Variants in GSDMC observed in about 807,000 individuals in gnomAD.
GSDMC encodes gasdermin-C.
Under a neutral mutation model 58.0 loss-of-function variants are expected in GSDMC, and 59 were observed. That is an observed-to-expected ratio of 1.02 (90% CI 0.82 to 1.26). The LOEUF is 1.26. Among genes scored for constraint, GSDMC ranks in the 50% most tolerant of loss-of-function variants. The pLI is 0.00. For synonymous variants in GSDMC, 241 were observed against 220.2 expected (o/e 1.09, Z -0.83); for missense variants, 659 against 598.5 (o/e 1.10, Z -1.06).
At chr8:129,728,939 G>T in the GSDMC span, 1 of 666,974 alleles carries the variant, frequency 1.5e-6, no homozygotes, top group Non-Finnish European at 2.9e-6. Context: ...GGCCCGAGGT[G>T]GTGGCGGTGG....
At chr8:129,784,414 A>G (rs149026829) in intron 1 of GSDMC, among the ~76,000 whole-genome samples, 2,168 of 152,288 alleles carry the variant, frequency 0.014, 60 homozygotes, top group African/African-American at 0.049. Flanking sequence ...TCTAATAATC[A>G]GATTAAAATA....
the GSDMC span, among the ~76,000 whole-genome samples, chr8:129,716,231 AG>A: frequency 1.3e-5 from 2 of 152,224 alleles, no homozygotes; most frequent in Non-Finnish European, 2.9e-5. Flanking sequence ...TGTGGGAAAA[AG>A]CAAGACACAA....
At chr8:129,720,447 G>A in the GSDMC span, among the ~76,000 whole-genome samples, 13 of 152,058 alleles carry the variant, frequency 8.5e-5, no homozygotes, top group African/African-American at 3.1e-4. Context: ...ATTGTCTCCT[G>A]AGTACTGTAA....
chr8:129,715,312 A>C, the GSDMC span, among the ~76,000 whole-genome samples: 2 of 152,282 alleles, frequency 1.3e-5, no homozygotes, highest in Admixed American at 1.3e-4. Context: ...ACACTCCAAA[A>C]AATCTGTTTC....
the GSDMC span, among the ~76,000 whole-genome samples, chr8:129,716,974 A>G: frequency 1.3e-5 from 2 of 152,182 alleles, no homozygotes; most frequent in Non-Finnish European, 2.9e-5. Context: ...AGCTGACTTG[A>G]TCATGGTGGA....
chr8:129,729,344 G>A, the GSDMC span: 108 of 466,388 alleles, frequency 2.3e-4, 1 homozygote, highest in Non-Finnish European at 3.9e-4. Flanking sequence ...AAGTTCTAGG[G>A]TACATGTGCA....
chr8:129,748,846 G>T, intron 13 of GSDMC, 106 bp from the exon 14 acceptor site: 2 of 901,066 alleles, frequency 2.2e-6, no homozygotes, highest in Non-Finnish European at 3.1e-6. Context: ...AGGAGCAAGA[G>T]CTTTGGGATC....
chr8:129,717,909 A>G, the GSDMC span, among the ~76,000 whole-genome samples: 9,774 of 152,220 alleles, frequency 0.064, 542 homozygotes, highest in East Asian at 0.25. Flanking sequence ...CCTGACAAAA[A>G]CAAGCAATAG....
intron 3 of GSDMC, among the ~76,000 whole-genome samples, chr8:129,774,528 CA>C (rs34881340): frequency 1.5e-3 from 184 of 119,430 alleles, no homozygotes; most frequent in Non-Finnish European, 2.1e-3. Flanking sequence ...GCAACAGCAG[CA>C]AAAAAAAAAA....
At chr8:129,755,952 G>A (rs1310591538) in intron 6 of GSDMC, among the ~76,000 whole-genome samples, 3 of 148,042 alleles carry the variant, frequency 2.0e-5, no homozygotes, top group Admixed American at 6.7e-5. Context: ...AGGAAGAAAA[G>A]AAGGCCAGAA....
intron 6 of GSDMC, among the ~76,000 whole-genome samples, chr8:129,756,787 C>G (rs1381928111): frequency 6.6e-6 from 1 of 151,994 alleles, no homozygotes; most frequent in Non-Finnish European, 1.5e-5. Context: ...GGAAATTAAA[C>G]AATATGCTCC....
chr8:129,711,073 C>T, the GSDMC span, among the ~76,000 whole-genome samples: 2 of 152,106 alleles, frequency 1.3e-5, no homozygotes, highest in Non-Finnish European at 1.5e-5. Context: ...GGAAAACAAC[C>T]AAATATTTGT....
the GSDMC span, among the ~76,000 whole-genome samples, chr8:129,732,330 T>C: frequency 6.8e-6 from 1 of 148,136 alleles, no homozygotes; most frequent in Non-Finnish European, 1.5e-5. Context: ...CAGAGGGCTA[T>C]AGAAGGAAAG....
At chr8:129,727,854 G>C in the GSDMC span, among the ~76,000 whole-genome samples, 1 of 152,130 alleles carries the variant, frequency 6.6e-6, no homozygotes, top group Admixed American at 6.5e-5. Flanking sequence ...CACAGGTCTG[G>C]GGCAGAAGAA....
intron 3 of GSDMC, among the ~76,000 whole-genome samples, chr8:129,771,018 T>A (rs945448629): frequency 2.0e-5 from 3 of 149,736 alleles, no homozygotes; most frequent in Non-Finnish European, 3.0e-5. Flanking sequence ...CACATTTTTT[T>A]ATATATATAT....
chr8:129,763,101 T>C (rs868045830), intron 4 of GSDMC, among the ~76,000 whole-genome samples: 8 of 152,236 alleles, frequency 5.3e-5, no homozygotes, highest in Admixed American at 2.0e-4. Context: ...TGGGGAAAAC[T>C]GCTTTTCCCC....
chr8:129,743,487 A>G (rs954784071), downstream of GSDMC, among the ~76,000 whole-genome samples: 1 of 152,274 alleles, frequency 6.6e-6, no homozygotes, highest in African/African-American at 2.4e-5. Flanking sequence ...ACACTTGAGC[A>G]TATTTATAAT....
chr8:129,723,512 C>T, the GSDMC span, among the ~76,000 whole-genome samples: 20 of 151,360 alleles, frequency 1.3e-4, no homozygotes, highest in Non-Finnish European at 1.9e-4. Context: ...ATGATCCACC[C>T]GCCTCGGCCT....
At chr8:129,730,293 C>G in the GSDMC span, 1 of 1,369,770 alleles carries the variant, frequency 7.3e-7, no homozygotes, top group South Asian at 1.3e-5. Flanking sequence ...TAATTTTCCA[C>G]AGAACCAGGT....
Sources: allele counts gnomAD v4.1 joint callset (sites outside exome capture counted in the v4.1 genomes callset), GRCh38; gene constraint gnomAD v4.1.1; transcripts MANE v1.5; gene names NCBI Gene and HGNC (gene_info 2026-07-23, HGNC 2026-07-21).